The following CHCHD5 variants were observed in gnomAD, a reference collection of about 807,000 sequenced individuals.
CHCHD5 encodes coiled-coil-helix-coiled-coil-helix domain containing 5, also known as coiled-coil-helix-coiled-coil-helix domain-containing protein 5.
CHCHD5 carries 10 observed loss-of-function variants against 16.0 expected under a neutral mutation model. The ratio of observed to expected loss-of-function variants is 0.63; its 90% confidence interval spans 0.39 to 1.06. CHCHD5 has a LOEUF of 1.06. CHCHD5 is among the 50% of genes least tolerant of loss of function. CHCHD5 has a pLI of 0.01. For synonymous variants in CHCHD5, 55 were observed against 56.3 expected (o/e 0.98, Z 0.10); for missense variants, 163 against 153.4 (o/e 1.06, Z -0.33).
Position 112,584,915 on chromosome 2 carries a change from C to T in CHCHD5, c.2+266C>T, listed in dbSNP as rs1685161275. On this transcript the variant is annotated intron_variant, in intron 1 of 3. Transcript: ENST00000324913. The stretch of plus-strand genomic sequence containing the variant: ...TCACCCAATCTCTGCCCCCAGTACC[C>T]CAGGTCCGGCCTTCACACTGAAATC... 7.2e-6 allele frequency: 4 copies of T among 554,416 alleles called. No homozygotes were observed. In the African/African-American group the frequency reaches 7.5e-5, roughly 10 times the overall value. The allele number at this position is 554,416 out of a possible 1,614,324, so 34.3% of individuals were successfully genotyped here.
rs760343828 is a variant in CHCHD5, at chr2:112,588,937, G to T, written c.*48G>T. The T allele has an allele frequency of 1.3e-5, 19 of 1,432,782 alleles. No homozygotes were observed. The highest frequency in any genetic ancestry group is 3.5e-5 in the South Asian group (3 of 86,554). 88.8% of individuals were successfully genotyped at this position (1,432,782 alleles called of 1,614,324 possible). A position where few individuals can be genotyped will look rare whatever the true frequency, so the allele number is the denominator to read the frequency against. ...ACTGGACATGAATGACTGCCCCCAC[G>T]CCCCTCCCCTGCAGAGTGGCCAGAT... On this transcript the variant is annotated 3_prime_UTR_variant, in exon 4 of 4. Transcript: ENST00000324913.
chr2:112,586,193 C>A lies in CHCHD5; in HGVS notation c.144-7C>A, dbSNP rs199535317. On this transcript the variant is annotated splice_polypyrimidine_tract_variant and splice_region_variant and intron_variant, in intron 2 of 3. Coordinates refer to ENST00000324913, the MANE Select transcript of CHCHD5 (RefSeq NM_032309.4). Reference sequence around the variant, plus strand: ...CTCCCAGGGGCTGAACTGCCCTACCCCCACAGCCCAATCATCCGCCAGATC... The same window carrying A: ...CTCCCAGGGGCTGAACTGCCCTACCACCACAGCCCAATCATCCGCCAGATC... The A allele has an allele frequency of 2.5e-6, 4 of 1,609,358 alleles. No individual in the cohort carries two copies. In the South Asian group the frequency reaches 4.4e-5, roughly 18 times the overall value.
chr2:112,584,571 G>GGCTGC, upstream of CHCHD5: 2 of 1,599,728 alleles, frequency 1.3e-6, no homozygotes, highest in South Asian at 2.3e-5. Flanking sequence ...GGCTGGGCTG[G>GGCTGC]GCGCCGCCAT....
chr2:112,586,240 T>G lies in CHCHD5; in HGVS notation c.184T>G (p.Phe62Val), dbSNP rs776556947. Reference sequence around the variant, plus strand: ...GATCCGCCAGGCCTGTGCTCAGCCTTTTGAGGCCTTCGAGGAGTGTCTTCG... The same window carrying G: ...GATCCGCCAGGCCTGTGCTCAGCCTGTTGAGGCCTTCGAGGAGTGTCTTCG... Reference protein sequence around the residue: ...RQIRQACAQPFEAFEECLRQN... With the variant: ...RQIRQACAQPVEAFEECLRQN... The change falls in exon 3 of 4, where the codon TTT (phenylalanine) becomes GTT (valine). Residue 62 changes from phenylalanine (F) to valine (V), a missense_variant. Physicochemically the swap from Phe to Val is conservative, Grantham distance 50 (BLOSUM62 -1). Transcript: ENST00000324913. 6.2e-7 allele frequency: 1 copy of G among 1,613,648 alleles called. No individual in the cohort carries two copies. Among genetic ancestry groups the G allele is most frequent in the Non-Finnish European group, 8.5e-7 (1 of 1,179,544 alleles).
intron 1 of CHCHD5, among the ~76,000 whole-genome samples, chr2:112,585,501 C>G (rs1173570382): frequency 6.6e-6 from 1 of 152,182 alleles, no homozygotes; most frequent in Non-Finnish European, 1.5e-5. Flanking sequence ...TTTACAAGCC[C>G]CAGGGCTGGG....
chr2:112,584,611 TC>T lies in CHCHD5; in HGVS notation c.-31del, dbSNP rs745445500. The T allele has an allele frequency of 2.5e-6, 4 of 1,611,616 alleles. No homozygotes were observed. Among genetic ancestry groups the T allele is most frequent in the East Asian group, 2.2e-5 (1 of 44,850 alleles). The stretch of plus-strand genomic sequence containing the variant: ...ACCGATACCGGAAAAGGCGGGTCGT[TC>T]CCCCCGGACAGCCCTACGCCGGCAA... On this transcript the variant is annotated 5_prime_UTR_variant, in exon 1 of 4. Transcript: ENST00000324913.
chr2:112,585,008 C>T (rs1250967488), intron 1 of CHCHD5: 3 of 312,234 alleles, frequency 9.6e-6, no homozygotes, highest in Non-Finnish European at 1.8e-5. Context: ...CCAGGTTCCT[C>T]CCCCTTGATC....
At chr2:112,584,772 C>A (rs556728271) in intron 1 of CHCHD5, 123 bp downstream of exon 1, 2 of 1,230,774 alleles carry the variant, frequency 1.6e-6, no homozygotes, top group Non-Finnish European at 2.3e-6. Context: ...AGATCTGACC[C>A]TCAGGATTCA....
intron 3 of CHCHD5, chr2:112,586,793 C>G (rs1685240272): frequency 1.9e-6 from 1 of 539,300 alleles, no homozygotes; most frequent in Non-Finnish European, 3.2e-6. Flanking sequence ...TCCTGCCTCA[C>G]CCTCTCTCTT....
At position 112,588,935 on chromosome 2, in the gene CHCHD5, A is replaced by C. The variant is rs1047652; in HGVS notation, c.*46A>C. On this transcript the variant is annotated 3_prime_UTR_variant, in exon 4 of 4. Coordinates refer to ENST00000324913, the MANE Select transcript of CHCHD5 (RefSeq NM_032309.4). The stretch of plus-strand genomic sequence containing the variant: ...AAACTGGACATGAATGACTGCCCCC[A>C]CGCCCCTCCCCTGCAGAGTGGCCAG... 1,194,237 of 1,495,010 alleles carry C rather than the reference A, an allele frequency of 0.8. 478,753 individuals are homozygous for C. Among genetic ancestry groups the C allele is most frequent in the Middle Eastern group, 0.86 (5,061 of 5,866 alleles). The allele number at this position is 1,495,010 out of a possible 1,614,324, so 92.6% of individuals were successfully genotyped here. A position where few individuals can be genotyped will look rare whatever the true frequency, so the allele number is the denominator to read the frequency against.
intron 1 of CHCHD5, chr2:112,584,901 C>T: frequency 1.8e-6 from 1 of 569,866 alleles, no homozygotes; most frequent in Non-Finnish European, 3.2e-6. Context: ...CACCCAATCT[C>T]TGCCCCCAGT....
At chr2:112,584,977 C>A in intron 1 of CHCHD5, 1 of 435,226 alleles carries the variant, frequency 2.3e-6, no homozygotes. Flanking sequence ...CTCTATGACT[C>A]CTACACCCAT....
At chr2:112,588,643 C>T (rs1685294483) in intron 3 of CHCHD5, 3 of 548,262 alleles carry the variant, frequency 5.5e-6, no homozygotes, top group Admixed American at 3.4e-5. Context: ...GCTGGGTACA[C>T]GGCAGGTGCT....
At chr2:112,588,595 T>C in intron 3 of CHCHD5, 2 of 473,940 alleles carry the variant, frequency 4.2e-6, no homozygotes, top group East Asian at 7.5e-5. Flanking sequence ...ACATATTTAT[T>C]GTCCGTCTCT....
At chr2:112,585,708 C>T (rs1381743143) in intron 1 of CHCHD5, among the ~76,000 whole-genome samples, 2 of 152,162 alleles carry the variant, frequency 1.3e-5, no homozygotes, top group Admixed American at 6.5e-5. Context: ...ATACCAGCCT[C>T]GGCAACATAG....
intron 1 of CHCHD5, 145 bp downstream of exon 1, chr2:112,584,794 C>A: frequency 1.0e-6 from 1 of 965,458 alleles, no homozygotes; most frequent in Non-Finnish European, 1.6e-6. Flanking sequence ...CGCCTTCGCT[C>A]ACGAGCTCCA....
chr2:112,586,576 G>A, intron 3 of CHCHD5: 1 of 1,513,470 alleles, frequency 6.6e-7, no homozygotes, highest in Non-Finnish European at 8.9e-7. Flanking sequence ...CCACCTCCAG[G>A]ATACCTGCCC....
At chr2:112,585,171 A>C (rs1685170875) in intron 1 of CHCHD5, among the ~76,000 whole-genome samples, 1 of 152,024 alleles carries the variant, frequency 6.6e-6, no homozygotes, top group Non-Finnish European at 1.5e-5. Context: ...CGCCCCTGGG[A>C]CCTTGAGTCC....
At chr2:112,586,555 A>G in intron 3 of CHCHD5, 190 bp downstream of exon 3, 1 of 1,523,190 alleles carries the variant, frequency 6.6e-7, no homozygotes, top group Non-Finnish European at 8.9e-7. Context: ...ATCCACCACC[A>G]CCCTCACCCT....
Sources: gnomAD v4.1 joint callset for allele counts (sites outside exome capture counted in the v4.1 genomes callset) on GRCh38, gnomAD v4.1.1 for gene constraint, MANE v1.5 for transcripts, NCBI Gene and HGNC (gene_info 2026-07-23, HGNC 2026-07-21) for gene names.